SNX14: variants seen among roughly 807,000 people sequenced by gnomAD.
SNX14 encodes the protein sorting nexin 14.
SNX14 carries 93 observed loss-of-function variants against 133.8 expected under a neutral mutation model. The ratio of observed to expected loss-of-function variants is 0.70; its 90% CI spans 0.59 to 0.83. SNX14 has a LOEUF of 0.83. Among genes scored for constraint, SNX14 ranks in the 40% least tolerant of loss-of-function variants. SNX14 has a pLI of 0.00. For synonymous variants in SNX14, 368 were observed against 365.6 expected (o/e 1.01, Z -0.07); for missense variants, 945 against 1,094.9 (o/e 0.86, Z 1.93).
intron 27 of SNX14, among the ~76,000 whole-genome samples, chr6:85,507,533 TTTA>T (rs1270893581): frequency 3.9e-5 from 6 of 152,174 alleles, no homozygotes; most frequent in Non-Finnish European, 8.8e-5. Flanking sequence ...TTAATTCATT[TTTA>T]TGTTAAATAT....
chr6:85,591,073 G>A (rs1443843805), intron 1 of SNX14, among the ~76,000 whole-genome samples: 1 of 152,026 alleles, frequency 6.6e-6, no homozygotes, highest in Non-Finnish European at 1.5e-5. Context: ...GACTTCATAG[G>A]GGTCAGTGGC....
At chr6:85,574,119 CA>C (rs34519767) in intron 2 of SNX14, 138 bp downstream of exon 2, 1,062 of 418,446 alleles carry the variant, frequency 2.5e-3, no homozygotes, top group East Asian at 9.9e-3. Flanking sequence ...CTAAAAAAAA[CA>C]AAAAAAAAAA....
intron 1 of SNX14, among the ~76,000 whole-genome samples, chr6:85,584,035 T>C (rs1352482402): frequency 6.6e-6 from 1 of 152,192 alleles, no homozygotes; most frequent in African/African-American, 2.4e-5. Context: ...AGCAAGGTAC[T>C]GGTACCAAAA....
rs1298526068 is a variant in SNX14 at position 85,541,960 on chromosome 6, T to C, written c.1448+25A>G. Reference sequence around the variant, plus strand: ...TCATAGAATGACTGGCATCAGCAAGTTCAAAAACAAAACATACAACCTACC... The same window carrying C: ...TCATAGAATGACTGGCATCAGCAAGCTCAAAAACAAAACATACAACCTACC... On this transcript the variant is annotated intron_variant, in intron 15 of 28. Transcript: ENST00000314673. 5.1e-6 allele frequency: 8 copies of C among 1,572,558 alleles called. No homozygotes were observed. In the South Asian group the frequency reaches 9.5e-5, roughly 19 times the overall value.
chr6:85,517,668 A>G (rs896132942), intron 23 of SNX14, 88 bp downstream of exon 23: 1 of 1,426,608 alleles, frequency 7.0e-7, no homozygotes, highest in African/African-American at 1.4e-5. Flanking sequence ...CATTTCATTA[A>G]CAAAGTATTC....
chr6:85,555,599 G>A (rs903310394), intron 7 of SNX14, among the ~76,000 whole-genome samples: 2 of 152,174 alleles, frequency 1.3e-5, no homozygotes, highest in Non-Finnish European at 1.5e-5. Context: ...AAGCACAGGG[G>A]ATTTTTAGGG....
At chr6:85,544,100 T>C (rs1784739583) in intron 12 of SNX14, among the ~76,000 whole-genome samples, 1 of 152,180 alleles carries the variant, frequency 6.6e-6, no homozygotes, top group Non-Finnish European at 1.5e-5. Context: ...TCTGATTTAC[T>C]AAATAAAAAT....
At chr6:85,557,558 G>C (rs1196085855) in intron 7 of SNX14, among the ~76,000 whole-genome samples, 2 of 152,154 alleles carry the variant, frequency 1.3e-5, no homozygotes. Context: ...TAAATACACA[G>C]TTTAGATGCT....
chr6:85,571,216 C>T (rs10455447), intron 4 of SNX14, among the ~76,000 whole-genome samples: 11,198 of 151,300 alleles, frequency 0.074, 556 homozygotes, highest in South Asian at 0.12. Context: ...AAAAATTAGG[C>T]GGGCGTGGTG....
intron 23 of SNX14, among the ~76,000 whole-genome samples, chr6:85,516,771 A>G (rs1331259006): frequency 6.6e-6 from 1 of 151,248 alleles, no homozygotes; most frequent in Non-Finnish European, 1.5e-5. Context: ...CCGAGTAGCT[A>G]GGATTACAGG....
chr6:85,591,018 T>G lies in SNX14; in HGVS notation c.140+2561A>C, dbSNP rs544387193. Among the ~76,000 whole-genome samples the G allele has an allele frequency of 3.3e-5, 5 of 152,354 alleles. No individual in the cohort carries two copies. In the South Asian group the frequency reaches 8.3e-4, roughly 25 times the overall value. On this transcript the variant is annotated intron_variant, in intron 1 of 28. Coordinates refer to ENST00000314673, the MANE Select transcript of SNX14 (RefSeq NM_153816.6). ...TTCTTGGGAGTACTCCCAGTATCAT[T>G]AGTGGTACTTTGTATGGATCCCATG...
intron 7 of SNX14, among the ~76,000 whole-genome samples, chr6:85,556,866 T>G (rs1789976132): frequency 6.6e-6 from 1 of 152,188 alleles, no homozygotes; most frequent in African/African-American, 2.4e-5. Context: ...TGAGGAACTA[T>G]TCATATCAAA....
intron 8 of SNX14, among the ~76,000 whole-genome samples, 185 bp downstream of exon 8, chr6:85,549,537 CA>C (rs2128105346): frequency 6.6e-6 from 1 of 152,156 alleles, no homozygotes; most frequent in East Asian, 1.9e-4. Flanking sequence ...CCACAAATAG[CA>C]CTTAAATTGG....
At chr6:85,521,632 T>G (rs2127910398) in intron 21 of SNX14, among the ~76,000 whole-genome samples, 1 of 152,332 alleles carries the variant, frequency 6.6e-6, no homozygotes, top group Admixed American at 6.5e-5. Flanking sequence ...TGCTGCTTGT[T>G]TCCTTTGCTG....
Position 85,517,757 on chromosome 6 carries a change from T to C in SNX14, c.2267A>G (p.Lys756Arg). The C allele has an allele frequency of 6.3e-7, 1 of 1,594,924 alleles. No homozygotes were observed. The highest frequency in any genetic ancestry group is 8.5e-7 in the Non-Finnish European group (1 of 1,175,244). Residue 756 changes from lysine to arginine, a missense_variant and splice_region_variant, in exon 23 of 29, where the codon AAG (lysine) becomes AGG (arginine). By Grantham distance (26) the Lys-to-Arg change is conservative. Around this residue, in one of 3 missense-constraint regions of SNX14, gnomAD observed 412 missense variants for 516.6 expected, o/e 0.80. Transcript: ENST00000314673. ...GTTCTTTAATGCAATGTGCAGTACC[T>C]TCTTGTTGTTTTCTGAAGTAGGGCT... Reference protein sequence around the residue: ...ILSPTSENNKKLFNDLFKNNA... With the variant: ...ILSPTSENNKRLFNDLFKNNA...
At chr6:85,506,139 G>A in intron 28 of SNX14, 134 bp from the exon 29 acceptor site, 1 of 638,160 alleles carries the variant, frequency 1.6e-6, no homozygotes. Flanking sequence ...GCTGGCATAT[G>A]GAGTGAGAAA....
chr6:85,547,226 C>T lies in SNX14; in HGVS notation c.994G>A (p.Val332Met). 4 of 1,613,352 alleles carry T rather than the reference C, an allele frequency of 2.5e-6. No individual in the cohort carries two copies. Among genetic ancestry groups the T allele is most frequent in the Non-Finnish European group, 3.4e-6 (4 of 1,179,560 alleles). Reference sequence around the variant, plus strand: ...ATTTGCTTCAATTCTAACTTCAGCACCTTGATATAAGAGAAAGATTAAGTT... The same window carrying T: ...ATTTGCTTCAATTCTAACTTCAGCATCTTGATATAAGAGAAAGATTAAGTT... ...FAEPRNKKPSVLKLELKQIRE... is the reference protein window; with the variant it reads ...FAEPRNKKPSMLKLELKQIRE... The change falls in exon 12 of 29, where the codon GTG becomes ATG. Residue 332 changes from valine to methionine, a missense_variant and splice_region_variant. Coordinates refer to ENST00000314673, the MANE Select transcript of SNX14 (RefSeq NM_153816.6).
intron 1 of SNX14, among the ~76,000 whole-genome samples, chr6:85,579,973 C>T (rs2128220224): frequency 6.6e-6 from 1 of 152,194 alleles, no homozygotes; most frequent in Middle Eastern, 3.4e-3. Context: ...CTTGTTCTGC[C>T]TCTCTCTCTC....
chr6:85,565,923 G>T (rs1793667014), intron 5 of SNX14, among the ~76,000 whole-genome samples: 1 of 152,206 alleles, frequency 6.6e-6, no homozygotes, highest in South Asian at 2.1e-4. Flanking sequence ...CAACTGAGGA[G>T]TTACTTTCAT....
Sources: gnomAD v4.1 joint callset for allele counts (sites outside exome capture counted in the v4.1 genomes callset) on GRCh38, gnomAD v4.1.1 for gene constraint, gnomAD v4.1.1 regional missense constraint, MANE v1.5 for transcripts, NCBI Gene and HGNC (gene_info 2026-07-23, HGNC 2026-07-21) for gene names.